The following SLC16A10 variants were observed in gnomAD, a reference collection of about 807,000 sequenced individuals.
SLC16A10 encodes solute carrier family 16 member 10, also known as monocarboxylate transporter 10.
In SLC16A10, 27 loss-of-function variants were observed where a neutral mutation model predicts 40.0. That is an observed-to-expected ratio of 0.67 (90% CI 0.50 to 0.93). The LOEUF (loss-of-function observed/expected upper bound fraction) is 0.93. Ranked by LOEUF, SLC16A10 falls within the 40% of genes least tolerant of loss-of-function variation. SLC16A10 has a pLI of 0.00. For synonymous variants in SLC16A10, 213 were observed against 249.8 expected, an observed-to-expected ratio of 0.85 and a Z score of 1.39; for missense variants, 529 against 658.2, an observed-to-expected ratio of 0.80 and a Z score of 2.15.
At chr6:111,115,201 C>G (rs1426222895) in intron 1 of SLC16A10, among the ~76,000 whole-genome samples, 2 of 151,838 alleles carry the variant, frequency 1.3e-5, no homozygotes, top group Non-Finnish European at 2.9e-5. Context: ...AGTCATCAAA[C>G]AAGGAAAAAG....
chr6:111,176,913 C>T (rs12211045), intron 2 of SLC16A10, among the ~76,000 whole-genome samples: 17,660 of 152,190 alleles, frequency 0.12, 1,145 homozygotes, highest in Middle Eastern at 0.17. Flanking sequence ...GCACAGTTCT[C>T]ACTCAGTGCT....
intron 3 of SLC16A10, among the ~76,000 whole-genome samples, chr6:111,190,165 C>T (rs1461811378): frequency 1.3e-5 from 2 of 152,230 alleles, no homozygotes; most frequent in Non-Finnish European, 2.9e-5. Flanking sequence ...GCTACAGGCC[C>T]CATGCAAGTC....
At chr6:111,203,718 T>TTAAATAAATAAATAAA (rs1773208980) in intron 3 of SLC16A10, among the ~76,000 whole-genome samples, 4 of 30,188 alleles carry the variant, frequency 1.3e-4, no homozygotes, top group Non-Finnish European at 2.5e-4. Flanking sequence ...AAACCCCATC[T>TTAAATAAATAAATAAA]CAAATAAATA....
Position 111,172,699 on chromosome 6 carries a change from G to A in SLC16A10, c.348G>A (p.Trp116Ter). 1 of 1,613,500 alleles carries A rather than the reference G, an allele frequency of 6.2e-7. No homozygotes were observed. The highest frequency in any genetic ancestry group is 8.5e-7 in the Non-Finnish European group (1 of 1,179,612). ...DDDKMVFKTA[W>*]VGSLSMGMIF... ...ACGCTTTCCCTTCTTTTACAGCATG[G>A]GTAGGTTCTCTCTCCATGGGGATGA... is the stretch of plus-strand genomic sequence containing the variant. Residue 116 changes from tryptophan to a stop codon, truncating the protein, a stop_gained, in exon 2 of 6, where the codon TGG (tryptophan) becomes TGA (stop). Transcript: ENST00000368851. LOFTEE classifies it high-confidence loss of function.
At chr6:111,155,367 G>GTT (rs1280313066) in intron 1 of SLC16A10, among the ~76,000 whole-genome samples, 2 of 145,394 alleles carry the variant, frequency 1.4e-5, no homozygotes, top group African/African-American at 5.0e-5. Context: ...AAGTTGTTTC[G>GTT]TTTTTTTTTT....
chr6:111,167,854 T>C (rs140144304), intron 1 of SLC16A10, among the ~76,000 whole-genome samples: 4 of 152,020 alleles, frequency 2.6e-5, no homozygotes, highest in African/African-American at 4.8e-5. Context: ...GTATTTTTTT[T>C]TGTACAGATG....
intron 1 of SLC16A10, among the ~76,000 whole-genome samples, chr6:111,151,809 C>CCT (rs772597285): frequency 4.6e-5 from 7 of 152,194 alleles, no homozygotes; most frequent in Non-Finnish European, 1.0e-4. Context: ...TTTCCCCCAT[C>CCT]CTTTGCCTGA....
rs1414826042 is a variant in SLC16A10, at chr6:111,222,025, C to T, written c.1338C>T (p.Gly446=). The change falls in exon 6 of 6, where the codon GGC becomes GGT. Residue 446 remains glycine, a synonymous_variant. Coordinates refer to ENST00000368851, the MANE Select transcript of SLC16A10 (RefSeq NM_018593.5). ...PIAGLLRDKL[G]SYDVAFYLAG... is the part of the protein sequence containing the mutation. The stretch of plus-strand genomic sequence containing the variant: ...CAGGGTTACTTCGTGACAAACTGGG[C>T]TCCTATGATGTGGCATTCTACCTCG... 6.2e-7 allele frequency: 1 copy of T among 1,606,016 alleles called. No homozygotes were observed. The highest frequency in any genetic ancestry group is 8.5e-7 in the Non-Finnish European group (1 of 1,177,912).
At chr6:111,217,586 AT>A (rs200650902) in intron 4 of SLC16A10, among the ~76,000 whole-genome samples, 13,917 of 151,998 alleles carry the variant, frequency 0.092, 847 homozygotes, top group Non-Finnish European at 0.14. Context: ...AGTAGCTGGG[AT>A]TACAGGCGCC....
intron 1 of SLC16A10, among the ~76,000 whole-genome samples, chr6:111,139,580 A>G (rs897320983): frequency 2.0e-5 from 3 of 152,204 alleles, no homozygotes; most frequent in African/African-American, 7.2e-5. Context: ...AATTACAGGC[A>G]TGAGCCACCA....
chr6:111,213,393 T>C (rs1773375205), intron 4 of SLC16A10, among the ~76,000 whole-genome samples: 1 of 152,226 alleles, frequency 6.6e-6, no homozygotes, highest in Non-Finnish European at 1.5e-5. Flanking sequence ...ATTCATGAGT[T>C]ACTTTTGTAA....
At chr6:111,169,761 G>A (rs1346442279) in intron 1 of SLC16A10, among the ~76,000 whole-genome samples, 1 of 152,100 alleles carries the variant, frequency 6.6e-6, no homozygotes, top group East Asian at 1.9e-4. Context: ...TTTTAAGAAG[G>A]CAGTCAAGAC....
At chr6:111,147,784 A>G (rs1203301617) in intron 1 of SLC16A10, among the ~76,000 whole-genome samples, 1 of 152,150 alleles carries the variant, frequency 6.6e-6, no homozygotes, top group Non-Finnish European at 1.5e-5. Flanking sequence ...TGTTTTGTGG[A>G]CATAGAACAA....
chr6:111,119,815 G>A (rs1771552177), intron 1 of SLC16A10, among the ~76,000 whole-genome samples: 1 of 152,212 alleles, frequency 6.6e-6, no homozygotes, highest in Non-Finnish European at 1.5e-5. Context: ...GCAGAACATT[G>A]TAACCTTACT....
At chr6:111,163,423 A>G (rs1772412801) in intron 1 of SLC16A10, among the ~76,000 whole-genome samples, 1 of 152,110 alleles carries the variant, frequency 6.6e-6, no homozygotes, top group African/African-American at 2.4e-5. Context: ...AAGTGCTGGG[A>G]TTACAGGCGT....
intron 4 of SLC16A10, among the ~76,000 whole-genome samples, chr6:111,215,414 T>TAA (rs34294985): frequency 1.6e-5 from 2 of 128,092 alleles, no homozygotes; most frequent in Admixed American, 7.8e-5. Context: ...GTACTGGTGT[T>TAA]AAAAAAAAAA....
At chr6:111,152,144 T>C (rs1441891590) in intron 1 of SLC16A10, among the ~76,000 whole-genome samples, 1 of 152,256 alleles carries the variant, frequency 6.6e-6, no homozygotes, top group Non-Finnish European at 1.5e-5. Context: ...TTCCTGTTCA[T>C]ACTTATCCAT....
chr6:111,172,696 A>G lies in SLC16A10; in HGVS notation c.345A>G (p.Ala115=), dbSNP rs1478338021. The change falls in exon 2 of 6, where the codon GCA becomes GCG. Residue 115 remains alanine, a splice_region_variant and synonymous_variant. Transcript: ENST00000368851. ...CCCACGCTTTCCCTTCTTTTACAGCATGGGTAGGTTCTCTCTCCATGGGGA... is the reference window on the plus strand; with the variant it reads ...CCCACGCTTTCCCTTCTTTTACAGCGTGGGTAGGTTCTCTCTCCATGGGGA... ...KDDDKMVFKT[A]WVGSLSMGMI... is the part of the protein sequence containing the mutation. 2.5e-6 allele frequency: 4 copies of G among 1,612,902 alleles called. No individual in the cohort carries two copies. The highest frequency in any genetic ancestry group is 2.7e-5 in the African/African-American group (2 of 74,924).
chr6:111,207,488 T>C (rs1773273773), intron 4 of SLC16A10, among the ~76,000 whole-genome samples: 1 of 152,224 alleles, frequency 6.6e-6, no homozygotes, highest in Non-Finnish European at 1.5e-5. Flanking sequence ...GACTCCTTCA[T>C]GCCACACACT....
Sources: allele counts gnomAD v4.1 joint callset (sites outside exome capture counted in the v4.1 genomes callset), GRCh38; gene constraint gnomAD v4.1.1; transcripts MANE v1.5; gene names NCBI Gene and HGNC (gene_info 2026-07-23, HGNC 2026-07-21).